Variants in SLC1A6 observed in about 807,000 individuals in gnomAD.
SLC1A6 encodes solute carrier family 1 member 6, also known as excitatory amino acid transporter 4.
In SLC1A6, 15 loss-of-function variants were observed where a neutral mutation model predicts 42.1. The ratio of observed to expected loss-of-function variants is 0.36; its 90% CI spans 0.24 to 0.55. SLC1A6 has a LOEUF of 0.55. Among genes scored for constraint, SLC1A6 ranks in the 20% least tolerant of loss-of-function variants. The pLI is 0.88. For missense variants in SLC1A6, 542 were observed against 772.5 expected, an observed-to-expected ratio of 0.70 and a Z score of 3.54; for synonymous variants, 317 against 319.7, an observed-to-expected ratio of 0.99 and a Z score of 0.09.
chr19:15,008,712 G>A (rs553998846), intron 1 of SLC1A6, among the ~76,000 whole-genome samples: 13 of 152,158 alleles, frequency 8.5e-5, no homozygotes, highest in South Asian at 6.2e-4. Flanking sequence ...AGCTGGGTGC[G>A]GTGATTTCCC....
At chr19:14,985,293 C>T (rs1337407800) in intron 1 of SLC1A6, among the ~76,000 whole-genome samples, 1 of 152,086 alleles carries the variant, frequency 6.6e-6, no homozygotes, top group Non-Finnish European at 1.5e-5. Context: ...TGTTCTGTCC[C>T]CTCCAAATCT....
At chr19:14,984,106 T>C (rs2045781388), upstream of SLC1A6, among the ~76,000 whole-genome samples, 4 of 152,044 alleles carry the variant, frequency 2.6e-5, no homozygotes, top group South Asian at 8.3e-4. Context: ...GGTCAGGAGT[T>C]TGAGACCAGC....
rs1386503643 is a variant in SLC1A6, at chr19:14,979,033, G to GTCTC, written c.-8+272_-8+275dup. On this transcript the variant is annotated intron_variant, in intron 1 of 9. Transcript: ENST00000594383. This position sits in a 1 kb window ranked among gnomAD's most constrained non-coding sequence, Gnocchi z 4.2. Reference sequence around the variant, plus strand: ...GACGGCGATCCCACTCACAAATTCAGTCTCTCTCTCTCTCTGTCACACACA... The same window carrying GTCTC: ...GACGGCGATCCCACTCACAAATTCAGTCTCTCTCTCTCTCTCTCTGTCACACACA... 2.0e-5 allele frequency among the ~76,000 whole-genome samples: 2 copies of GTCTC among 101,020 alleles called. No individual in the cohort carries two copies. Among genetic ancestry groups the GTCTC allele is most frequent in the African/African-American group, 7.2e-5 (2 of 27,826 alleles). The allele number at this position is 101,020 out of a possible 152,430, so 66.3% of individuals were successfully genotyped here. A position where few individuals can be genotyped will look rare whatever the true frequency, so the allele number is the denominator to read the frequency against.
At chr19:14,995,367 AAAGGG>A (rs59539996) in intron 1 of SLC1A6, among the ~76,000 whole-genome samples, 22,386 of 110,108 alleles carry the variant, frequency 0.2, 2,771 homozygotes, top group Non-Finnish European at 0.24. Context: ...GAAAGAAAGA[AAAGGG>A]AAGGGAAGGG....
intron 4 of SLC1A6, among the ~76,000 whole-genome samples, chr19:14,966,129 C>G (rs1474379860): frequency 6.6e-6 from 1 of 152,058 alleles, no homozygotes; most frequent in African/African-American, 2.4e-5. Flanking sequence ...CAGAATTCTC[C>G]ACTATATAAT....
chr19:14,955,967 T>C (rs2045459005), intron 7 of SLC1A6, among the ~76,000 whole-genome samples: 1 of 152,120 alleles, frequency 6.6e-6, no homozygotes, highest in Non-Finnish European at 1.5e-5. Context: ...TTCCATCTTT[T>C]TGGCTGTTGT....
At position 14,984,950 on chromosome 19, in the gene SLC1A6, C is replaced by T. The variant is rs530172921; in HGVS notation, c.7-12033G>A. On this transcript the variant is annotated intron_variant, in intron 1 of 8. Coordinates refer to the SLC1A6 transcript ENST00000430939. ...AGGCTGGAGTGCAGTGGTGTGATCT[C>T]GGCTCACTGCAACCTCCACCTCCTG... 3.4e-3 allele frequency among the ~76,000 whole-genome samples: 521 copies of T among 151,968 alleles called. 6 individuals carry two copies. Among genetic ancestry groups the T allele is most frequent in the African/African-American group, 0.012 (505 of 41,434 alleles).
chr19:14,995,648 A>T (rs2045842629), intron 1 of SLC1A6, among the ~76,000 whole-genome samples: 1 of 152,224 alleles, frequency 6.6e-6, no homozygotes, highest in African/African-American at 2.4e-5. Flanking sequence ...ATATACGATA[A>T]AACGTTATGC....
At chr19:14,952,580 A>G (rs2045423365) in intron 9 of SLC1A6, among the ~76,000 whole-genome samples, 1 of 151,886 alleles carries the variant, frequency 6.6e-6, no homozygotes, top group Non-Finnish European at 1.5e-5. Context: ...ACGTGCCACC[A>G]CGCCCAGCTA....
intron 1 of SLC1A6, among the ~76,000 whole-genome samples, chr19:14,990,951 A>G (rs1478257412): frequency 6.6e-6 from 1 of 152,214 alleles, no homozygotes; most frequent in Non-Finnish European, 1.5e-5. Context: ...GATGAGCTAG[A>G]TTTAGCCATT....
intron 1 of SLC1A6, among the ~76,000 whole-genome samples, chr19:15,010,043 G>A (rs1275589735): frequency 6.6e-6 from 1 of 151,788 alleles, no homozygotes; most frequent in Non-Finnish European, 1.5e-5. Flanking sequence ...AAAATTAGCT[G>A]GGCATGGTGG....
Position 14,956,552 on chromosome 19 carries a change from C to T in SLC1A6, c.1093G>A (p.Val365Ile), listed in dbSNP as rs1364120285. The T allele has an allele frequency of 4.3e-6, 7 of 1,613,016 alleles. No homozygotes were observed. The highest frequency in any genetic ancestry group is 4.5e-5 in the East Asian group (2 of 44,866). The change falls in exon 7 of 10, where the codon GTC becomes ATC. Residue 365 changes from valine (V) to isoleucine (I), a missense_variant. By Grantham distance (29) the Val-to-Ile change is conservative. Transcript: ENST00000594383. ...GIVLPLIYFLVTHRNPFPFIG... is the reference protein window; with the variant it reads ...GIVLPLIYFLITHRNPFPFIG... ...AAGGGGAAGGGGTTCCGGTGAGTGACGAGGAAGTAGATGAGGGGAAGGACA... is the reference window on the plus strand; with the variant it reads ...AAGGGGAAGGGGTTCCGGTGAGTGATGAGGAAGTAGATGAGGGGAAGGACA...
At chr19:14,968,255 A>C in intron 4 of SLC1A6, 48 bp downstream of exon 4, 1 of 1,414,096 alleles carries the variant, frequency 7.1e-7, no homozygotes, top group African/African-American at 1.4e-5. Flanking sequence ...CAATAAATAA[A>C]GTCTCCTTTT....
chr19:14,990,518 C>A (rs2045814252), intron 1 of SLC1A6, among the ~76,000 whole-genome samples: 1 of 152,134 alleles, frequency 6.6e-6, no homozygotes. Flanking sequence ...GCCTGTAGTC[C>A]CAGCACTTTG....
chr19:15,004,016 C>T (rs916049228), intron 1 of SLC1A6, among the ~76,000 whole-genome samples: 6 of 151,816 alleles, frequency 4.0e-5, no homozygotes, highest in Admixed American at 1.3e-4. Flanking sequence ...ATTAGCTGGG[C>T]GTGGTGGTGG....
At chr19:14,959,754 T>C (rs2045492951) in intron 6 of SLC1A6, among the ~76,000 whole-genome samples, 1 of 152,194 alleles carries the variant, frequency 6.6e-6, no homozygotes. Flanking sequence ...TCTCTCTGCC[T>C]GAAATACGTC....
intron 5 of SLC1A6, among the ~76,000 whole-genome samples, chr19:14,963,420 T>A (rs1199870516): frequency 6.6e-6 from 1 of 152,178 alleles, no homozygotes; most frequent in African/African-American, 2.4e-5. Flanking sequence ...ATGTATTGTG[T>A]ATTTGAAAAT....
chr19:14,981,170 G>A (rs2045765330), upstream of SLC1A6, among the ~76,000 whole-genome samples: 1 of 151,876 alleles, frequency 6.6e-6, no homozygotes, highest in African/African-American at 2.4e-5. Flanking sequence ...GCACACACCT[G>A]TAGTCCCAGT....
At chr19:14,989,489 G>A (rs564790916) in intron 1 of SLC1A6, among the ~76,000 whole-genome samples, 21 of 151,878 alleles carry the variant, frequency 1.4e-4, no homozygotes, top group East Asian at 1.4e-3. Context: ...TTGAACTCCC[G>A]ACCTCAGGTG....
Sources: allele counts gnomAD v4.1 joint callset (sites outside exome capture counted in the v4.1 genomes callset), GRCh38; gene constraint gnomAD v4.1.1; non-coding constraint Gnocchi (gnomAD v3.1); transcripts MANE v1.5; gene names NCBI Gene and HGNC (gene_info 2026-07-23, HGNC 2026-07-21).